VPS13D: variants seen among roughly 807,000 people sequenced by gnomAD.
VPS13D encodes vacuolar protein sorting 13 homolog D, also known as intermembrane lipid transfer protein VPS13D.
In VPS13D, 187 loss-of-function variants were observed where a neutral mutation model predicts 461.9. The observed-to-expected ratio is 0.40, with a 90% CI of 0.36 to 0.46. The LOEUF is 0.46. Ranked by LOEUF, VPS13D falls within the 20% of genes least tolerant of loss-of-function variation. The probability of loss-of-function intolerance (pLI) is 0.60; values close to 1 mark genes in which losing one functional copy is unlikely to be tolerated. For missense variants in VPS13D, 4,711 were observed against 5,364.9 expected (o/e 0.88, Z 3.81); for synonymous variants, 1,951 against 1,986.3 (o/e 0.98, Z 0.47).
In VPS13D at chr1:12,382,991, T is replaced by C. The variant is rs751642256; in HGVS notation, c.11206T>C (p.Ser3736Pro). Reference protein sequence around the residue: ...GLVVQAKGGLSGLFDGAEVVL... With the variant: ...GLVVQAKGGLPGLFDGAEVVL... Reference sequence around the variant, plus strand: ...TGTCTTTTAGGCCAAAGGAGGACTTTCTGGTTTGTTTGATGGAGCTGAAGT... The same window carrying C: ...TGTCTTTTAGGCCAAAGGAGGACTTCCTGGTTTGTTTGATGGAGCTGAAGT... Residue 3736 changes from serine to proline, a missense_variant, in exon 58 of 70, where the codon TCT (serine) becomes CCT (proline). By Grantham distance (74) the Ser-to-Pro change is moderately conservative. Around this residue, in one of 3 missense-constraint regions of VPS13D, gnomAD observed 4,411 missense variants for 4,937.8 expected, o/e 0.89. Transcript: ENST00000620676. The C allele has an allele frequency of 1.2e-6, 2 of 1,613,830 alleles. No homozygotes were observed. Among genetic ancestry groups the C allele is most frequent in the Non-Finnish European group, 1.7e-6 (2 of 1,179,922 alleles).
intron 32 of VPS13D, among the ~76,000 whole-genome samples, chr1:12,321,589 C>T (rs1643038548): frequency 1.3e-5 from 2 of 152,124 alleles, no homozygotes; most frequent in Middle Eastern, 3.4e-3. Flanking sequence ...GTAAGGCTTT[C>T]GGGGTGTATT....
chr1:12,308,385 T>G, intron 26 of VPS13D, 46 bp from the exon 27 acceptor site: 1 of 1,603,876 alleles, frequency 6.2e-7, no homozygotes, highest in Non-Finnish European at 8.5e-7. Context: ...AACCCCTTTT[T>G]GGGTCCCCTT....
At chr1:12,342,820 T>A (rs1643599808) in intron 41 of VPS13D, 79 bp from the exon 42 acceptor site, 1 of 1,480,234 alleles carries the variant, frequency 6.8e-7, no homozygotes. Context: ...GAGAAGGTTC[T>A]GCTCTTCTGC....
intron 58 of VPS13D, 70 bp from the exon 59 acceptor site, chr1:12,385,190 G>T: frequency 7.8e-7 from 1 of 1,274,144 alleles, no homozygotes; most frequent in South Asian, 1.3e-5. Flanking sequence ...CTACACAGTT[G>T]TTCTGGGTTA....
At chr1:12,470,899 T>TA (rs1266506998) in intron 67 of VPS13D, among the ~76,000 whole-genome samples, 4 of 152,236 alleles carry the variant, frequency 2.6e-5, no homozygotes, top group African/African-American at 9.6e-5. Context: ...AACAAATAGT[T>TA]ATAGTTTTAC....
chr1:12,326,939 G>A (rs756184036), intron 35 of VPS13D, among the ~76,000 whole-genome samples: 52 of 152,024 alleles, frequency 3.4e-4, no homozygotes, highest in Non-Finnish European at 6.3e-4. Flanking sequence ...CACTGCACCC[G>A]ACCAGTAATT....
rs144504028 is a variant in VPS13D at position 12,499,528 on chromosome 1, C to G, written c.12794+1897C>G. The G allele has an allele frequency of 1.4e-3, 1,353 of 985,310 alleles. 18 individuals are homozygous for G. The African/African-American group carries it at 0.022, about 16-fold the overall frequency. The allele number at this position is 985,310 out of a possible 1,614,324, so 61.0% of individuals were successfully genotyped here. On this transcript the variant is annotated intron_variant, in intron 68 of 69. Transcript: ENST00000620676. ...ACATAGGACTGCTCCCAGTGAGATACACACATTGAAAAACAGAGCCAGAGA... is the reference window on the plus strand; with the variant it reads ...ACATAGGACTGCTCCCAGTGAGATAGACACATTGAAAAACAGAGCCAGAGA...
chr1:12,237,671 A>C (rs1274952769), intron 2 of VPS13D, among the ~76,000 whole-genome samples: 1 of 148,682 alleles, frequency 6.7e-6, no homozygotes, highest in Admixed American at 6.7e-5. Context: ...AAAATAAATA[A>C]ATAAAATTAG....
chr1:12,266,014 T>A (rs1322422500), intron 13 of VPS13D, among the ~76,000 whole-genome samples: 2 of 151,582 alleles, frequency 1.3e-5, no homozygotes, highest in African/African-American at 4.9e-5. Flanking sequence ...AAAAAAAAAA[T>A]TAGTTGGTCA....
At chr1:12,351,460 G>A (rs1342589367) in intron 46 of VPS13D, among the ~76,000 whole-genome samples, 1 of 150,910 alleles carries the variant, frequency 6.6e-6, no homozygotes, top group Non-Finnish European at 1.5e-5. Flanking sequence ...CCAGCTAATT[G>A]TTGTATTTTT....
intron 58 of VPS13D, among the ~76,000 whole-genome samples, chr1:12,384,327 G>A (rs1644321641): frequency 6.6e-6 from 1 of 152,100 alleles, no homozygotes; most frequent in Non-Finnish European, 1.5e-5. Context: ...GTTCTGATTT[G>A]GGCAACTCAC....
chr1:12,392,095 C>T (rs576295060), intron 60 of VPS13D, among the ~76,000 whole-genome samples: 10 of 152,178 alleles, frequency 6.6e-5, no homozygotes, highest in African/African-American at 2.4e-4. Flanking sequence ...CTCTTGGACT[C>T]GAGCCATCTG....
At chr1:12,306,707 C>A (rs973418787) in intron 26 of VPS13D, among the ~76,000 whole-genome samples, 1 of 152,016 alleles carries the variant, frequency 6.6e-6, no homozygotes, top group African/African-American at 2.4e-5. Context: ...AGCAGCAGTC[C>A]CCAACCTTTT....
chr1:12,437,018 G>T (rs757371795), intron 65 of VPS13D, among the ~76,000 whole-genome samples: 1 of 152,118 alleles, frequency 6.6e-6, no homozygotes, highest in African/African-American at 2.4e-5. Flanking sequence ...CACTGAGCGG[G>T]CCCAAACAAA....
At chr1:12,341,198 A>G (rs1056040731) in intron 40 of VPS13D, among the ~76,000 whole-genome samples, 12 of 152,166 alleles carry the variant, frequency 7.9e-5, no homozygotes, top group African/African-American at 2.7e-4. Flanking sequence ...GGTGGTATCT[A>G]TGTTTAAAAA....
rs750670813 is a variant in VPS13D, at chr1:12,349,205, G to T, written c.9262G>T (p.Ala3088Ser). Residue 3088 changes from alanine (A) to serine (S), a missense_variant, in exon 46 of 70, where the codon GCT (alanine) becomes TCT (serine). By Grantham distance (99) the Ala-to-Ser change is moderately conservative. Transcript: ENST00000620676. ...TGCTATCATGCCAGGGGATTCGTTT[G>T]CTGTGCCTTTACACCTCACTTCTTG... is the stretch of plus-strand genomic sequence containing the variant. ...LPAIMPGDSF[A>S]VPLHLTSWRL... 6.2e-7 allele frequency: 1 copy of T among 1,614,114 alleles called. No individual in the cohort carries two copies. The highest frequency in any genetic ancestry group is 8.5e-7 in the Non-Finnish European group (1 of 1,180,042).
chr1:12,459,734 C>T (rs1645382526), intron 66 of VPS13D, among the ~76,000 whole-genome samples: 1 of 152,098 alleles, frequency 6.6e-6, no homozygotes, highest in Admixed American at 6.5e-5. Flanking sequence ...GCCGCAGCCT[C>T]CCAAAGTGCT....
intron 67 of VPS13D, among the ~76,000 whole-genome samples, chr1:12,466,562 A>G (rs1325353786): frequency 6.6e-6 from 1 of 152,246 alleles, no homozygotes; most frequent in East Asian, 1.9e-4. Flanking sequence ...CATTTCAGAA[A>G]GATCTGATAT....
chr1:12,315,704 G>A (rs147755503), intron 30 of VPS13D, among the ~76,000 whole-genome samples: 4 of 152,280 alleles, frequency 2.6e-5, no homozygotes, highest in East Asian at 1.9e-4. Context: ...CAGGTGTCTC[G>A]TCATTGGGCT....
Sources: allele counts gnomAD v4.1 joint callset (sites outside exome capture counted in the v4.1 genomes callset), GRCh38; gene constraint gnomAD v4.1.1; regional missense constraint gnomAD v4.1.1; transcripts MANE v1.5; gene names NCBI Gene and HGNC (gene_info 2026-07-23, HGNC 2026-07-21).